Variants in COL28A1 observed in about 807,000 individuals in gnomAD.
COL28A1 encodes the protein collagen alpha-1(XXVIII) chain.
A neutral mutation model predicts 150.2 loss-of-function variants in COL28A1; 161 were observed. The observed-to-expected ratio is 1.07, with a 90% confidence interval of 0.94 to 1.22. The LOEUF (loss-of-function observed/expected upper bound fraction) is 1.22, where lower values mean the gene tolerates loss of function less well. COL28A1 is among the 50% of genes most tolerant of loss of function. The pLI is 0.00. For synonymous variants in COL28A1, 552 were observed against 469.7 expected, an observed-to-expected ratio of 1.18 and a Z score of -2.26; for missense variants, 1,617 against 1,388.3, an observed-to-expected ratio of 1.16 and a Z score of -2.62.
chr7:7,532,543 G>C (rs1782427145), intron 2 of COL28A1, among the ~76,000 whole-genome samples: 1 of 152,028 alleles, frequency 6.6e-6, no homozygotes, highest in Non-Finnish European at 1.5e-5. Flanking sequence ...AGGCTCAAAT[G>C]AGATAATAAG....
chr7:7,517,839 T>C lies in COL28A1; in HGVS notation c.814-2A>G, dbSNP rs148232605. On this transcript the variant is annotated splice_acceptor_variant, in intron 6 of 34. Transcript: ENST00000399429. LOFTEE classifies it high-confidence loss of function. ...AGCTTCTCCTTTTTGAGCGTTGCCC[T>C]GTGACAAACAAAAAACAGTAAAAAT... 1.2e-6 allele frequency: 2 copies of C among 1,613,738 alleles called. No individual in the cohort carries two copies. Among genetic ancestry groups the C allele is most frequent in the South Asian group, 1.1e-5 (1 of 91,072 alleles).
the COL28A1 span, among the ~76,000 whole-genome samples, chr7:7,345,524 G>C: frequency 1.3e-5 from 2 of 151,818 alleles, no homozygotes; most frequent in East Asian, 3.9e-4. Flanking sequence ...ATTTTTTATA[G>C]TACCTATCTA....
At chr7:7,533,968 A>G (rs953491812) in intron 1 of COL28A1, among the ~76,000 whole-genome samples, 2 of 152,188 alleles carry the variant, frequency 1.3e-5, no homozygotes, top group Non-Finnish European at 2.9e-5. Flanking sequence ...TTTAGGGGAT[A>G]AGAATCTGGG....
downstream of COL28A1, chr7:7,357,764 G>A (rs80165651): frequency 3.9e-5 from 1 of 25,832 alleles, no homozygotes; most frequent in African/African-American, 4.9e-5. Context: ...TAAAATGACA[G>A]AGTCAATTCT....
At position 7,412,983 on chromosome 7, in the gene COL28A1, C is replaced by G. The variant is rs187964998; in HGVS notation, c.2136+4876G>C. ...GAGAAATGAGTCCCTCATTCTCTTT[C>G]CCTTACACCACAGAGGTCAGAATAC... On this transcript the variant is annotated intron_variant, in intron 27 of 34. Transcript: ENST00000399429. Among the ~76,000 whole-genome samples the G allele has an allele frequency of 3.4e-4, 51 of 152,152 alleles. 1 individual carries two copies. The East Asian group carries it at 9.6e-3, about 29-fold the overall frequency.
intron 25 of COL28A1, among the ~76,000 whole-genome samples, chr7:7,429,669 C>T (rs998395214): frequency 6.6e-6 from 1 of 152,158 alleles, no homozygotes; most frequent in African/African-American, 2.4e-5. Context: ...CTAAGACCAG[C>T]TCACCCTCCT....
intron 27 of COL28A1, among the ~76,000 whole-genome samples, chr7:7,413,348 A>T (rs1337239353): frequency 6.6e-6 from 1 of 152,182 alleles, no homozygotes; most frequent in Non-Finnish European, 1.5e-5. Context: ...CAGAGCAACA[A>T]ATGACTTAAA....
chr7:7,478,430 G>A (rs1006485739), intron 13 of COL28A1, among the ~76,000 whole-genome samples: 9 of 152,236 alleles, frequency 5.9e-5, no homozygotes, highest in South Asian at 2.1e-4. Context: ...TCCCTTAGCC[G>A]GACATAAAGG....
rs1780899643 is a variant in COL28A1, at chr7:7,365,699, T to C, written c.3066+5026A>G. The stretch of plus-strand genomic sequence containing the variant: ...CATGTCTGCTCTGGATGAATGCTAA[T>C]GATCATCTGCATTAGTGTTTGTGTT... On this transcript the variant is annotated intron_variant, in intron 33 of 34. Coordinates refer to ENST00000399429, the MANE Select transcript of COL28A1 (RefSeq NM_001037763.3). 2.0e-5 allele frequency among the ~76,000 whole-genome samples: 3 copies of C among 152,364 alleles called. No homozygotes were observed. The South Asian group carries it at 6.2e-4, about 32-fold the overall frequency.
chr7:7,501,447 G>T (rs116074638), intron 11 of COL28A1, among the ~76,000 whole-genome samples: 127 of 152,274 alleles, frequency 8.3e-4, no homozygotes, highest in African/African-American at 2.9e-3. Flanking sequence ...CCACTGTGCA[G>T]TCCCTCCTCC....
intron 23 of COL28A1, among the ~76,000 whole-genome samples, chr7:7,434,027 A>C (rs1215390981): frequency 6.6e-6 from 1 of 152,234 alleles, no homozygotes; most frequent in African/African-American, 2.4e-5. Context: ...CAATAAATGA[A>C]TAATTGACTG....
intron 31 of COL28A1, among the ~76,000 whole-genome samples, chr7:7,374,038 A>AATATAT (rs60964603): frequency 4.8e-4 from 54 of 113,622 alleles, no homozygotes; most frequent in Non-Finnish European, 7.5e-4. Flanking sequence ...AAAAAAAAAA[A>AATATAT]ATATATATAT....
chr7:7,372,427 AAATAAATAAATAAAT>A (rs1234583142), intron 32 of COL28A1, among the ~76,000 whole-genome samples: 9 of 151,250 alleles, frequency 6.0e-5, no homozygotes, highest in African/African-American at 2.2e-4. Context: ...ATAAATAAAT[AAATAAATAAATAAAT>A]GGTTGTTCTT....
chr7:7,356,168 TTGC>T (rs1223603405), downstream of COL28A1: 2 of 151,140 alleles, frequency 1.3e-5, no homozygotes, highest in Non-Finnish European at 3.0e-5. Flanking sequence ...AAATAGTTAG[TTGC>T]AGAAGACTAG....
chr7:7,348,176 G>A, the COL28A1 span, among the ~76,000 whole-genome samples: 3 of 152,034 alleles, frequency 2.0e-5, no homozygotes, highest in Admixed American at 1.3e-4. Context: ...ACATTTTGAT[G>A]CCGTTAACTA....
intron 30 of COL28A1, among the ~76,000 whole-genome samples, chr7:7,375,837 T>C (rs1430545459): frequency 4.6e-5 from 7 of 152,164 alleles, no homozygotes; most frequent in African/African-American, 1.7e-4. Flanking sequence ...TAGCACAGGG[T>C]CTGGCAACTT....
chr7:7,507,591 C>G (rs2115125820), intron 9 of COL28A1, among the ~76,000 whole-genome samples: 1 of 152,280 alleles, frequency 6.6e-6, no homozygotes, highest in Admixed American at 6.5e-5. Flanking sequence ...TGGCAAAACA[C>G]TGTTTATATT....
chr7:7,454,348 C>T (rs1786963043), intron 16 of COL28A1, among the ~76,000 whole-genome samples: 1 of 152,202 alleles, frequency 6.6e-6, no homozygotes, highest in East Asian at 1.9e-4. Context: ...TGAATAACTG[C>T]ATAGACAGAG....
In COL28A1 at chr7:7,380,764, A is replaced by G; in HGVS notation, c.2286+18T>C. ...AGTTAGAGTATAAAATCACAGTGAG[A>G]CATTAAAAACTACTTGCCTGTTTTC... On this transcript the variant is annotated intron_variant, in intron 29 of 34. Transcript: ENST00000399429. 6.2e-7 allele frequency: 1 copy of G among 1,612,544 alleles called. No homozygotes were observed. Among genetic ancestry groups the G allele is most frequent in the Non-Finnish European group, 8.5e-7 (1 of 1,178,598 alleles).
Sources: allele counts gnomAD v4.1 joint callset (sites outside exome capture counted in the v4.1 genomes callset), GRCh38; gene constraint gnomAD v4.1.1; transcripts MANE v1.5; gene names NCBI Gene and HGNC (gene_info 2026-07-23, HGNC 2026-07-21).